The following GRID2 variants were observed in gnomAD, a reference collection of about 807,000 sequenced individuals.
GRID2 encodes glutamate receptor ionotropic, delta-2.
In GRID2, 33 loss-of-function variants were observed where a neutral mutation model predicts 114.8. The ratio of observed to expected loss-of-function variants is 0.29; its 90% CI spans 0.22 to 0.38. GRID2 has a LOEUF of 0.38. GRID2 is among the 10% of genes least tolerant of loss of function. The probability of loss-of-function intolerance (pLI) is 1.00; values close to 1 mark genes in which losing one functional copy is unlikely to be tolerated. For missense variants in GRID2, 1,184 were observed against 1,257.7 expected (o/e 0.94, Z 0.89); for synonymous variants, 505 against 449.9 (o/e 1.12, Z -1.55).
In GRID2 at chr4:92,444,953, A is replaced by G. The variant is rs77773038; in HGVS notation, c.88+140209A>G. Among the ~76,000 whole-genome samples the G allele has an allele frequency of 9.3e-4, 142 of 152,222 alleles. No homozygotes were observed. In the East Asian group the frequency reaches 0.026, roughly 28 times the overall value. On this transcript the variant is annotated intron_variant, in intron 1 of 15. Coordinates refer to ENST00000282020, the MANE Select transcript of GRID2 (RefSeq NM_001510.4). Reference sequence around the variant, plus strand: ...GAAATTATTGGCTTAACAAATCACAAGTTTTGTCACGTATGCCATATTTGT... The same window carrying G: ...GAAATTATTGGCTTAACAAATCACAGGTTTTGTCACGTATGCCATATTTGT...
At chr4:92,832,521 G>A (rs1219121189) in intron 2 of GRID2, among the ~76,000 whole-genome samples, 2 of 151,812 alleles carry the variant, frequency 1.3e-5, no homozygotes, top group African/African-American at 4.8e-5. Context: ...AGCCTCCAGA[G>A]TACCTGGGAT....
At chr4:92,502,798 A>G (rs562616114) in intron 1 of GRID2, among the ~76,000 whole-genome samples, 75 of 133,220 alleles carry the variant, frequency 5.6e-4, no homozygotes, top group African/African-American at 2.2e-3. Flanking sequence ...GCTCACTGCA[A>G]CCTCCGCCTC....
chr4:93,027,130 A>G (rs945896917), intron 2 of GRID2, among the ~76,000 whole-genome samples: 2 of 152,014 alleles, frequency 1.3e-5, no homozygotes, highest in African/African-American at 2.4e-5. Flanking sequence ...TTTTTGAACT[A>G]TATGTGTGGA....
chr4:93,718,899 A>G (rs1729127373), intron 14 of GRID2, among the ~76,000 whole-genome samples: 1 of 152,136 alleles, frequency 6.6e-6, no homozygotes, highest in Admixed American at 6.6e-5. Flanking sequence ...CCCCACTTAT[A>G]ACTCTTAAAA....
At chr4:93,604,051 ATTAT>A (rs1560806418) in intron 13 of GRID2, among the ~76,000 whole-genome samples, 1 of 152,184 alleles carries the variant, frequency 6.6e-6, no homozygotes. Flanking sequence ...TTTAAATCTT[ATTAT>A]TTGAGAAATA....
rs114906390 is a variant in GRID2, at chr4:92,603,369, A to G, written c.244+13083A>G. 8.3e-3 allele frequency among the ~76,000 whole-genome samples: 1,258 copies of G among 152,204 alleles called. 13 individuals are homozygous for G. Among genetic ancestry groups the G allele is most frequent in the African/African-American group, 0.029 (1,199 of 41,542 alleles). On this transcript the variant is annotated intron_variant, in intron 2 of 15. Coordinates refer to ENST00000282020, the MANE Select transcript of GRID2 (RefSeq NM_001510.4). Reference sequence around the variant, plus strand: ...CACACACACAGACCAATGGAACACAACAGAGATCTCAGAAATAAGAGTACA... The same window carrying G: ...CACACACACAGACCAATGGAACACAGCAGAGATCTCAGAAATAAGAGTACA...
At chr4:93,617,160 G>A (rs1313588536) in intron 13 of GRID2, among the ~76,000 whole-genome samples, 1 of 152,172 alleles carries the variant, frequency 6.6e-6, no homozygotes, top group Non-Finnish European at 1.5e-5. Context: ...TATAGAGTAA[G>A]AGGCCAACAC....
At chr4:92,585,813 T>G (rs1292484278) in intron 1 of GRID2, among the ~76,000 whole-genome samples, 1 of 151,922 alleles carries the variant, frequency 6.6e-6, no homozygotes, top group African/African-American at 2.4e-5. Context: ...ATGCAAGTTT[T>G]TAGTATGATT....
At chr4:93,021,633 C>T (rs1464448251) in intron 2 of GRID2, among the ~76,000 whole-genome samples, 1 of 142,338 alleles carries the variant, frequency 7.0e-6, no homozygotes, top group Non-Finnish European at 1.5e-5. Flanking sequence ...TATATTATCA[C>T]TATATTATAA....
At chr4:92,781,211 A>G (rs1201270483) in intron 2 of GRID2, among the ~76,000 whole-genome samples, 1 of 152,098 alleles carries the variant, frequency 6.6e-6, no homozygotes, top group Admixed American at 6.6e-5. Context: ...ACACCACTGC[A>G]CTCCAGCCTG....
At chr4:93,365,461 C>G (rs1040997463) in intron 8 of GRID2, among the ~76,000 whole-genome samples, 1 of 152,158 alleles carries the variant, frequency 6.6e-6, no homozygotes, top group Admixed American at 6.6e-5. Flanking sequence ...GTTATTTGGT[C>G]TAATTATGAC....
intron 14 of GRID2, among the ~76,000 whole-genome samples, chr4:93,646,711 G>T (rs1190333994): frequency 6.6e-6 from 1 of 152,034 alleles, no homozygotes; most frequent in African/African-American, 2.4e-5. Flanking sequence ...GAGAGAGAGG[G>T]TGATGACTCA....
intron 2 of GRID2, among the ~76,000 whole-genome samples, chr4:92,935,958 C>A (rs1578525312): frequency 6.9e-6 from 1 of 145,750 alleles, no homozygotes. Context: ...ATGGGTGCAG[C>A]ACACCAGCAT....
At chr4:93,303,330 T>A (rs1239741187) in intron 8 of GRID2, among the ~76,000 whole-genome samples, 1 of 152,194 alleles carries the variant, frequency 6.6e-6, no homozygotes, top group East Asian at 1.9e-4. Context: ...CGGAGCATTG[T>A]TCCAGAGAGA....
chr4:92,360,030 T>C (rs890206751), intron 1 of GRID2, among the ~76,000 whole-genome samples: 6 of 151,988 alleles, frequency 3.9e-5, no homozygotes, highest in Admixed American at 3.9e-4. Flanking sequence ...TTGGGCAGCC[T>C]AATCTCCCTC....
intron 8 of GRID2, among the ~76,000 whole-genome samples, chr4:93,266,493 C>T (rs1279506313): frequency 6.6e-6 from 1 of 152,048 alleles, no homozygotes; most frequent in Non-Finnish European, 1.5e-5. Flanking sequence ...CACACACAGC[C>T]CAAAAGGTTG....
intron 14 of GRID2, among the ~76,000 whole-genome samples, chr4:93,657,608 G>C (rs918648478): frequency 2.6e-5 from 4 of 151,814 alleles, no homozygotes; most frequent in African/African-American, 9.7e-5. Context: ...TCATACCTGT[G>C]CACCAAAGGC....
chr4:92,650,073 T>C (rs1377345368), intron 2 of GRID2, among the ~76,000 whole-genome samples: 1 of 152,050 alleles, frequency 6.6e-6, no homozygotes, highest in African/African-American at 2.4e-5. Flanking sequence ...CTGTATGTAA[T>C]GTTATGAGGT....
intron 14 of GRID2, among the ~76,000 whole-genome samples, chr4:93,627,674 G>A (rs572278563): frequency 2.6e-5 from 4 of 152,318 alleles, no homozygotes; most frequent in East Asian, 3.9e-4. Context: ...TGAAGAAGCC[G>A]ACCTAACAGG....
Sources: gnomAD v4.1 joint callset for allele counts (sites outside exome capture counted in the v4.1 genomes callset) on GRCh38, gnomAD v4.1.1 for gene constraint, MANE v1.5 for transcripts, NCBI Gene and HGNC (gene_info 2026-07-23, HGNC 2026-07-21) for gene names.